The following CDH18 variants were observed in gnomAD, a reference collection of about 807,000 sequenced individuals.
CDH18 encodes the protein cadherin-18.
In CDH18, 31 loss-of-function variants were observed where a neutral mutation model predicts 67.9. That is an observed-to-expected ratio of 0.46 (90% confidence interval 0.34 to 0.62). CDH18 has a LOEUF of 0.62. Among genes scored for constraint, CDH18 ranks in the 20% least tolerant of loss-of-function variants. The probability of loss-of-function intolerance (pLI) is 0.01; values close to 1 mark genes in which losing one functional copy is unlikely to be tolerated. For missense variants in CDH18, 890 were observed against 975.5 expected (o/e 0.91, Z 1.17); for synonymous variants, 362 against 347.2 (o/e 1.04, Z -0.48).
intron 9 of CDH18, among the ~76,000 whole-genome samples, chr5:19,541,788 C>T (rs983127721): frequency 3.9e-5 from 6 of 152,044 alleles, no homozygotes; most frequent in Non-Finnish European, 5.9e-5. Context: ...GGGAATTATG[C>T]GAGCTACAAT....
chr5:19,547,371 T>C lies in CDH18; in HGVS notation c.1254-3366A>G, dbSNP rs2127109825. On this transcript the variant is annotated intron_variant, in intron 8 of 12. Transcript: ENST00000382275. ...GAGGATTCAAATTTGGAACTTATTA[T>C]TCAGCTTCAAAGTTGCCTGCAGCAA... Among the ~76,000 whole-genome samples, 3 of 152,332 alleles carry C rather than the reference T, an allele frequency of 2.0e-5. No individual in the cohort carries two copies. In the South Asian group the frequency reaches 6.2e-4, roughly 32 times the overall value.
intron 2 of CDH18, among the ~76,000 whole-genome samples, chr5:19,908,251 T>C (rs1201033888): frequency 6.6e-6 from 1 of 152,120 alleles, no homozygotes; most frequent in East Asian, 1.9e-4. Flanking sequence ...GGTACTTTTA[T>C]GTTTCAAAGC....
At chr5:20,035,471 G>A (rs1267099864) in intron 2 of CDH18, among the ~76,000 whole-genome samples, 1 of 151,990 alleles carries the variant, frequency 6.6e-6, no homozygotes, top group East Asian at 1.9e-4. Flanking sequence ...TGCATGGCTG[G>A]GGAGGCCTCA....
At chr5:20,146,622 A>G (rs1750667120) in intron 2 of CDH18, among the ~76,000 whole-genome samples, 1 of 151,674 alleles carries the variant, frequency 6.6e-6, no homozygotes, top group Non-Finnish European at 1.5e-5. Flanking sequence ...TTTTGTAAAA[A>G]AAAAAAAAAT....
rs971493329 is a variant in CDH18 at position 19,558,875 on chromosome 5, C to T, written c.1253+12704G>A. Among the ~76,000 whole-genome samples the T allele has an allele frequency of 3.2e-4, 48 of 151,612 alleles. 1 individual carries two copies. Among genetic ancestry groups the T allele is most frequent in the Non-Finnish European group, 1.2e-4 (8 of 67,690 alleles). On this transcript the variant is annotated intron_variant, in intron 8 of 12. Coordinates refer to ENST00000382275, the MANE Select transcript of CDH18 (RefSeq NM_004934.5). ...GAATACTACAGACCAATACACAGAC[C>T]CGGATGAACATATATGCATCAGACC...
chr5:19,914,900 A>G (rs1245165245), intron 2 of CDH18, among the ~76,000 whole-genome samples: 1 of 152,060 alleles, frequency 6.6e-6, no homozygotes, highest in Non-Finnish European at 1.5e-5. Flanking sequence ...GGAACTTAAC[A>G]ATTTTTTTGT....
intron 1 of CDH18, among the ~76,000 whole-genome samples, chr5:20,499,502 T>G (rs1754117245): frequency 6.6e-6 from 1 of 152,110 alleles, no homozygotes; most frequent in South Asian, 2.1e-4. Context: ...CTATAAAGTC[T>G]TTGCCTCACA....
intron 1 of CDH18, among the ~76,000 whole-genome samples, chr5:20,402,450 G>T (rs1745853697): frequency 6.6e-6 from 1 of 151,964 alleles, no homozygotes; most frequent in Non-Finnish European, 1.5e-5. Flanking sequence ...TGTTTGTACA[G>T]GAAAAAAATG....
intron 1 of CDH18, among the ~76,000 whole-genome samples, chr5:20,332,776 A>G (rs564280981): frequency 2.0e-4 from 31 of 152,296 alleles, no homozygotes; most frequent in Non-Finnish European, 2.8e-4. Context: ...TATTTACCCA[A>G]TTGTGCCAGT....
intron 2 of CDH18, among the ~76,000 whole-genome samples, chr5:19,922,289 C>G (rs565143684): frequency 6.6e-6 from 1 of 152,238 alleles, no homozygotes; most frequent in South Asian, 2.1e-4. Context: ...GCTAGGTGAA[C>G]TGAAGCAATA....
chr5:19,716,705 T>C (rs1168299137), intron 5 of CDH18, among the ~76,000 whole-genome samples: 1 of 151,996 alleles, frequency 6.6e-6, no homozygotes, highest in East Asian at 1.9e-4. Context: ...CACAAAAAAT[T>C]AAAATACCGA....
intron 5 of CDH18, among the ~76,000 whole-genome samples, chr5:19,674,920 TTTA>T (rs1759256191): frequency 6.6e-6 from 1 of 152,098 alleles, no homozygotes; most frequent in Non-Finnish European, 1.5e-5. Flanking sequence ...GAAACGGTCA[TTTA>T]TCACGGGAAA....
intron 1 of CDH18, among the ~76,000 whole-genome samples, chr5:20,325,380 T>C (rs915298009): frequency 6.6e-6 from 1 of 152,304 alleles, no homozygotes; most frequent in African/African-American, 2.4e-5. Context: ...GATAAGACAA[T>C]GTCTCCTTTT....
chr5:19,580,612 A>G (rs1465966991), intron 7 of CDH18, among the ~76,000 whole-genome samples: 2 of 151,860 alleles, frequency 1.3e-5, no homozygotes, highest in African/African-American at 4.8e-5. Flanking sequence ...CTTAACACCG[A>G]CCTATGCCCT....
chr5:20,270,511 A>T (rs533091884), intron 1 of CDH18, among the ~76,000 whole-genome samples: 1 of 152,134 alleles, frequency 6.6e-6, no homozygotes, highest in South Asian at 2.1e-4. Flanking sequence ...TGGAGAAAAA[A>T]GGAATGCTTA....
intron 2 of CDH18, among the ~76,000 whole-genome samples, chr5:20,056,722 C>T (rs1159425747): frequency 1.1e-4 from 13 of 117,854 alleles, no homozygotes; most frequent in African/African-American, 1.6e-4. Flanking sequence ...GTCTCACTGT[C>T]GCCCAGGCTG....
intron 9 of CDH18, among the ~76,000 whole-genome samples, chr5:19,542,254 C>T (rs1750396085): frequency 6.6e-6 from 1 of 152,030 alleles, no homozygotes; most frequent in East Asian, 1.9e-4. Flanking sequence ...ACTAGAATGG[C>T]TATAATAAAA....
At chr5:20,226,915 G>A (rs183033733) in intron 2 of CDH18, among the ~76,000 whole-genome samples, 159 of 151,990 alleles carry the variant, frequency 1.0e-3, no homozygotes, top group African/African-American at 3.7e-3. Flanking sequence ...GACTAAATTC[G>A]AATCACTGGC....
intron 11 of CDH18, among the ~76,000 whole-genome samples, chr5:19,497,779 T>A (rs1287112988): frequency 6.6e-6 from 1 of 152,182 alleles, no homozygotes; most frequent in Non-Finnish European, 1.5e-5. Context: ...AATGCATGCA[T>A]TAAGAAGTTA....
Sources: gnomAD v4.1 joint callset for allele counts (sites outside exome capture counted in the v4.1 genomes callset) on GRCh38, gnomAD v4.1.1 for gene constraint, MANE v1.5 for transcripts, NCBI Gene and HGNC (gene_info 2026-07-23, HGNC 2026-07-21) for gene names.